The following PVT1 variants were observed in gnomAD, a reference collection of about 807,000 sequenced individuals.
PVT1 encodes the protein Pvt1 oncogene, also known as CXCR4/PVT1 fusion.
intron 5 of PVT1, among the ~76,000 whole-genome samples, chr8:128,081,827 A>G (rs1814184297): frequency 6.6e-6 from 1 of 152,238 alleles, no homozygotes; most frequent in Non-Finnish European, 1.5e-5. Context: ...CGGCATTTTA[A>G]CTAGTAACAG....
At chr8:127,940,309 C>G (rs554528350) in intron 3 of PVT1, 1 of 152,002 alleles carries the variant, frequency 6.6e-6, no homozygotes, top group African/African-American at 2.4e-5. Context: ...AGAGTCAGCC[C>G]AAAATACAGT....
At chr8:127,950,908 C>CT (rs1816498406) in intron 3 of PVT1, among the ~76,000 whole-genome samples, 1 of 152,134 alleles carries the variant, frequency 6.6e-6, no homozygotes, top group Non-Finnish European at 1.5e-5. Context: ...CTTTTCTTTT[C>CT]TTTTTTCCAA....
At chr8:127,913,567 G>T (rs1361873820) in intron 3 of PVT1, among the ~76,000 whole-genome samples, 3 of 142,286 alleles carry the variant, frequency 2.1e-5, no homozygotes, top group Non-Finnish European at 4.4e-5. Context: ...TGCCCCATGT[G>T]GGGTCTGCAT....
intron 4 of PVT1, among the ~76,000 whole-genome samples, chr8:127,999,800 C>T (rs959491365): frequency 6.6e-6 from 1 of 152,224 alleles, no homozygotes; most frequent in Admixed American, 6.5e-5. Context: ...TTTTTGCCCA[C>T]ATTGACTGAC....
intron 3 of PVT1, among the ~76,000 whole-genome samples, chr8:127,974,200 A>G (rs1816795894): frequency 6.6e-6 from 1 of 152,088 alleles, no homozygotes; most frequent in Non-Finnish European, 1.5e-5. Flanking sequence ...GGGCCTGGAG[A>G]GCTGACGTTG....
At chr8:128,006,954 C>T (rs1447855816) in intron 4 of PVT1, among the ~76,000 whole-genome samples, 1 of 152,190 alleles carries the variant, frequency 6.6e-6, no homozygotes, top group Non-Finnish European at 1.5e-5. Context: ...CCTGGTCCAG[C>T]CCTGGAATCA....
chr8:127,820,862 C>G (rs1358941693), intron 2 of PVT1, among the ~76,000 whole-genome samples: 1 of 152,088 alleles, frequency 6.6e-6, no homozygotes, highest in Admixed American at 6.6e-5. Context: ...ACATGCACCA[C>G]CATGCCTAAC....
chr8:127,981,195 T>C lies in PVT1; in HGVS notation n.783-7967T>C, dbSNP rs1395878665. Among the ~76,000 whole-genome samples the C allele has an allele frequency of 2.0e-5, 3 of 152,148 alleles. No individual in the cohort carries two copies. The East Asian group carries it at 5.8e-4, about 29-fold the overall frequency. On this transcript the variant is annotated intron_variant and non_coding_transcript_variant, in intron 3 of 10. Coordinates refer to ENST00000651587, the Ensembl canonical transcript of PVT1. ...GAAGTTCCTAGCAGGGAGGATGAGATGGAATCAGTGAATTTTAGATCTCAA... is the reference window on the plus strand; with the variant it reads ...GAAGTTCCTAGCAGGGAGGATGAGACGGAATCAGTGAATTTTAGATCTCAA...
At chr8:127,887,582 G>A (rs10956394) in intron 2 of PVT1, among the ~76,000 whole-genome samples, 109,064 of 152,104 alleles carry the variant, frequency 0.72, 40,303 homozygotes, top group African/African-American at 0.91. Flanking sequence ...CTGGGGTGCA[G>A]TGGTGTAATC....
At chr8:127,916,363 C>T (rs1815985493) in intron 3 of PVT1, among the ~76,000 whole-genome samples, 1 of 152,182 alleles carries the variant, frequency 6.6e-6, no homozygotes, top group Non-Finnish European at 1.5e-5. Context: ...ACTCCCGAAT[C>T]TAGTGCTGTG....
At chr8:127,817,491 G>GTGTGTA (rs1814676737) in intron 2 of PVT1, among the ~76,000 whole-genome samples, 1 of 106,074 alleles carries the variant, frequency 9.4e-6, no homozygotes. Flanking sequence ...GTGTGTGTGT[G>GTGTGTA]TATATACATA....
chr8:127,985,981 G>A (rs1411555619), intron 3 of PVT1, among the ~76,000 whole-genome samples: 2 of 152,182 alleles, frequency 1.3e-5, no homozygotes, highest in African/African-American at 2.4e-5. Context: ...CCTGGGCCAC[G>A]TTCTGGTGGC....
chr8:128,073,443 G>A (rs934968285), intron 5 of PVT1, among the ~76,000 whole-genome samples: 1 of 152,066 alleles, frequency 6.6e-6, no homozygotes, highest in African/African-American at 2.4e-5. Context: ...GATGGCACCA[G>A]CCAGTGAGGC....
At chr8:127,914,377 A>T (rs897621127) in intron 3 of PVT1, among the ~76,000 whole-genome samples, 2 of 150,076 alleles carry the variant, frequency 1.3e-5, no homozygotes, top group African/African-American at 2.4e-5. Context: ...ATGTAAGATG[A>T]TACAGTCTCT....
intron 2 of PVT1, among the ~76,000 whole-genome samples, chr8:127,819,088 C>G (rs559593771): frequency 6.6e-6 from 1 of 152,320 alleles, no homozygotes; most frequent in East Asian, 1.9e-4. Context: ...TGGTTGCTCT[C>G]TAACTGGCTG....
At chr8:128,004,539 A>G (rs922386026) in intron 4 of PVT1, among the ~76,000 whole-genome samples, 3 of 152,156 alleles carry the variant, frequency 2.0e-5, no homozygotes, top group African/African-American at 7.2e-5. Flanking sequence ...CCTATTTGTA[A>G]AATGGAGCTA....
chr8:127,993,979 G>C (rs540170072), intron 4 of PVT1, among the ~76,000 whole-genome samples: 27 of 152,322 alleles, frequency 1.8e-4, no homozygotes, highest in Admixed American at 8.5e-4. Context: ...GGGACTGGAG[G>C]CTTGGAGCAA....
chr8:127,938,288 G>A (rs899217160), intron 3 of PVT1, among the ~76,000 whole-genome samples: 16 of 152,182 alleles, frequency 1.1e-4, no homozygotes, highest in South Asian at 2.1e-4. Context: ...AAAGGATGCC[G>A]TCCCACATGG....
chr8:127,811,772 C>T (rs1014959248), intron 2 of PVT1, among the ~76,000 whole-genome samples: 2 of 152,018 alleles, frequency 1.3e-5, no homozygotes, highest in African/African-American at 2.4e-5. Flanking sequence ...TGTATCTGGC[C>T]GGTTAACACA....
Sources: gnomAD v4.1 joint callset for allele counts (sites outside exome capture counted in the v4.1 genomes callset) on GRCh38, gnomAD v4.1.1 for gene constraint, MANE v1.5 for transcripts, NCBI Gene and HGNC (gene_info 2026-07-23, HGNC 2026-07-21) for gene names.